TENT4B: variants seen among roughly 807,000 people sequenced by gnomAD.
The protein encoded by TENT4B is terminal nucleotidyltransferase 4B.
In TENT4B, 10 loss-of-function variants were observed where a neutral mutation model predicts 75.0. That is an observed-to-expected ratio of 0.13 (90% CI 0.08 to 0.23). TENT4B has a LOEUF of 0.23. Among genes scored for constraint, TENT4B ranks in the 10% least tolerant of loss-of-function variants. TENT4B has a pLI of 1.00. For missense variants in TENT4B, 579 were observed against 893.8 expected (o/e 0.65, Z 4.49); for synonymous variants, 350 against 357.7 (o/e 0.98, Z 0.24).
At chr16:50,181,457 CTATTG>C (rs1206368571) in intron 1 of TENT4B, among the ~76,000 whole-genome samples, 1 of 148,070 alleles carries the variant, frequency 6.8e-6, no homozygotes, top group Non-Finnish European at 1.5e-5. Flanking sequence ...TCATATCCAG[CTATTG>C]TATTTTTTTT....
intron 2 of TENT4B, among the ~76,000 whole-genome samples, chr16:50,213,541 G>A (rs1011784292): frequency 6.6e-6 from 1 of 152,088 alleles, no homozygotes; most frequent in Non-Finnish European, 1.5e-5. Flanking sequence ...TCCCAATTTA[G>A]TAATCTATTC....
In TENT4B at chr16:50,216,057, T is replaced by C; in HGVS notation, c.810-18T>C. 6.2e-7 allele frequency: 1 copy of C among 1,613,818 alleles called. No homozygotes were observed. On this transcript the variant is annotated intron_variant, in intron 3 of 11. Transcript: ENST00000561678. The stretch of plus-strand genomic sequence containing the variant: ...TCCAACTTCTTCCGACCCTCTTGTA[T>C]ATGTATTCTGTGTTCAGTGACATCG...
At chr16:50,192,167 G>A (rs2038652980) in intron 1 of TENT4B, among the ~76,000 whole-genome samples, 4 of 151,504 alleles carry the variant, frequency 2.6e-5, no homozygotes, top group South Asian at 2.1e-4. Context: ...CTTGGACCTG[G>A]GAGGTGGAGG....
At chr16:50,194,238 C>T (rs1396722017) in intron 1 of TENT4B, among the ~76,000 whole-genome samples, 1 of 128,586 alleles carries the variant, frequency 7.8e-6, no homozygotes, top group East Asian at 2.3e-4. Context: ...TTCTCTGAGA[C>T]GGAGTCTTGC....
At chr16:50,165,669 A>G (rs1358591986) in intron 1 of TENT4B, among the ~76,000 whole-genome samples, 1 of 152,176 alleles carries the variant, frequency 6.6e-6, no homozygotes, top group African/African-American at 2.4e-5. Context: ...ATATAAGTGG[A>G]ATCATAACAG....
Position 50,154,180 on chromosome 16 carries a change from G to T in TENT4B, c.559G>T (p.Gly187Cys). 1 of 1,509,400 alleles carries T rather than the reference G, an allele frequency of 6.6e-7. No homozygotes were observed. The highest frequency in any genetic ancestry group is 8.8e-7 in the Non-Finnish European group (1 of 1,136,616). 93.5% of individuals were successfully genotyped at this position (1,509,400 alleles called of 1,614,324 possible). A position where few individuals can be genotyped will look rare whatever the true frequency, so the allele number is the denominator to read the frequency against. Residue 187 changes from glycine to cysteine, a missense_variant, in exon 1 of 12, where the codon GGC (glycine) becomes TGC (cysteine). Coordinates refer to ENST00000561678, the MANE Select transcript of TENT4B (RefSeq NM_001365324.3). Reference sequence around the variant, plus strand: ...GCCCAGCGGAGGGCGGGCCGCGGGGGGCGGCCGAGCAGACGGCGGCGGGGT... The same window carrying T: ...GCCCAGCGGAGGGCGGGCCGCGGGGTGCGGCCGAGCAGACGGCGGCGGGGT... ...LQPSGGRAAG[G>C]GRADGGGVVY...
chr16:50,212,384 A>C (rs2150735154), intron 2 of TENT4B, among the ~76,000 whole-genome samples: 1 of 152,178 alleles, frequency 6.6e-6, no homozygotes, highest in Non-Finnish European at 1.5e-5. Flanking sequence ...TTAATACGTC[A>C]CTTTTTAGGG....
chr16:50,193,147 G>A (rs2029960017), intron 1 of TENT4B, among the ~76,000 whole-genome samples: 2 of 152,054 alleles, frequency 1.3e-5, no homozygotes. Context: ...ATGGCCATTG[G>A]GTGTGGTTTG....
intron 1 of TENT4B, among the ~76,000 whole-genome samples, chr16:50,196,635 A>G (rs529207436): frequency 2.9e-4 from 44 of 152,274 alleles, no homozygotes; most frequent in African/African-American, 1.0e-3. Context: ...TCTGTTAAAA[A>G]GAGTACAACT....
intron 1 of TENT4B, among the ~76,000 whole-genome samples, chr16:50,204,097 G>T (rs2030814430): frequency 6.6e-6 from 1 of 152,180 alleles, no homozygotes; most frequent in Non-Finnish European, 1.5e-5. Flanking sequence ...AGGCTAGAAA[G>T]GTAGGCAGTG....
chr16:50,153,138 T>A, upstream of TENT4B: 2 of 613,222 alleles, frequency 3.3e-6, no homozygotes, highest in Non-Finnish European at 4.1e-6. Flanking sequence ...CCCGGGCTGC[T>A]GCGCGGCGCA....
chr16:50,180,708 CAA>C (rs34092547), intron 1 of TENT4B, among the ~76,000 whole-genome samples: 5 of 126,778 alleles, frequency 3.9e-5, no homozygotes, highest in Non-Finnish European at 1.6e-5. Flanking sequence ...GACTCCATCT[CAA>C]AAAAAAAAAA....
At chr16:50,227,038 AT>A (rs1295229530) in intron 10 of TENT4B, among the ~76,000 whole-genome samples, 2 of 152,222 alleles carry the variant, frequency 1.3e-5, no homozygotes, top group African/African-American at 4.8e-5. Context: ...TAGTGTACTG[AT>A]TTGAGATCTA....
In TENT4B at chr16:50,155,607, A is replaced by G. The variant is rs59456503; in HGVS notation, c.638+1348A>G. ...TGTGGAAAATGCAGTCAAGCGTTCT[A>G]GGACTGGTGCTGTGGTACATGTCAA... is the stretch of plus-strand genomic sequence containing the variant. On this transcript the variant is annotated intron_variant, in intron 1 of 11. Transcript: ENST00000561678. 6.4e-3 allele frequency among the ~76,000 whole-genome samples: 971 copies of G among 152,226 alleles called. 9 individuals are homozygous for G. Among genetic ancestry groups the G allele is most frequent in the African/African-American group, 0.022 (933 of 41,506 alleles).
At chr16:50,197,679 A>G (rs2030361218) in intron 1 of TENT4B, among the ~76,000 whole-genome samples, 1 of 152,192 alleles carries the variant, frequency 6.6e-6, no homozygotes, top group East Asian at 1.9e-4. Context: ...ATGTCGTGGA[A>G]AAAGATTTAT....
At chr16:50,192,947 G>A (rs184521115) in intron 1 of TENT4B, among the ~76,000 whole-genome samples, 3 of 152,294 alleles carry the variant, frequency 2.0e-5, no homozygotes, top group Admixed American at 6.5e-5. Flanking sequence ...GGTGTTATGT[G>A]CCTGTGGTCC....
Position 50,232,618 on chromosome 16 carries a change from A to G in TENT4B, c.*3290A>G. ...TTCTGGAAACACTAGAGGGTCAGAA[A>G]AGAGTAATGACCACCGTGACGTGCA... is the stretch of plus-strand genomic sequence containing the variant. On this transcript the variant is annotated 3_prime_UTR_variant, in exon 12 of 12. Coordinates refer to ENST00000561678, the MANE Select transcript of TENT4B (RefSeq NM_001365324.3). The G allele has an allele frequency of 6.1e-6, 6 of 985,184 alleles. No individual in the cohort carries two copies. Among genetic ancestry groups the G allele is most frequent in the Non-Finnish European group, 7.2e-6 (6 of 829,864 alleles). The allele number at this position is 985,184 out of a possible 1,614,324, so 61.0% of individuals were successfully genotyped here.
At chr16:50,204,053 G>C (rs764328601) in intron 1 of TENT4B, among the ~76,000 whole-genome samples, 1 of 152,194 alleles carries the variant, frequency 6.6e-6, no homozygotes, top group Non-Finnish European at 1.5e-5. Context: ...CTGTGGGGCT[G>C]TCGTAGAAGA....
intron 1 of TENT4B, among the ~76,000 whole-genome samples, chr16:50,187,954 A>G (rs1280473763): frequency 6.6e-6 from 1 of 152,130 alleles, no homozygotes; most frequent in African/African-American, 2.4e-5. Context: ...TTAAAAATTG[A>G]GACAGCAGCT....
Sources: allele counts gnomAD v4.1 joint callset (sites outside exome capture counted in the v4.1 genomes callset), GRCh38; gene constraint gnomAD v4.1.1; transcripts MANE v1.5; gene names NCBI Gene and HGNC (gene_info 2026-07-23, HGNC 2026-07-21).